Variants in ROS1 observed in about 807,000 individuals in gnomAD.
ROS1 encodes ROS proto-oncogene 1, receptor tyrosine kinase.
Under a neutral mutation model 273.5 loss-of-function variants are expected in ROS1, and 263 were observed. The observed-to-expected ratio is 0.96, with a 90% confidence interval of 0.87 to 1.06. The LOEUF (loss-of-function observed/expected upper bound fraction) is 1.06, where lower values mean the gene tolerates loss of function less well. Ranked by LOEUF, ROS1 falls within the 50% of genes least tolerant of loss-of-function variation. The pLI is 0.00. For synonymous variants in ROS1, 1,008 were observed against 954.1 expected (o/e 1.06, Z -1.04); for missense variants, 2,833 against 2,751.1 (o/e 1.03, Z -0.67).
intron 39 of ROS1, among the ~76,000 whole-genome samples, 157 bp downstream of exon 39, chr6:117,316,985 CT>C (rs1775967080): frequency 6.6e-6 from 1 of 152,032 alleles, no homozygotes; most frequent in Non-Finnish European, 1.5e-5. Flanking sequence ...GCCCAGGGTT[CT>C]GATTGTCAAA....
At chr6:117,409,081 G>A (rs1650250200) in intron 5 of ROS1, among the ~76,000 whole-genome samples, 1 of 146,880 alleles carries the variant, frequency 6.8e-6, no homozygotes, top group Non-Finnish European at 1.5e-5. Flanking sequence ...GGGGGAGGGT[G>A]GAGGGATAGC....
intron 7 of ROS1, among the ~76,000 whole-genome samples, chr6:117,399,224 A>G (rs1041753730): frequency 4.3e-4 from 65 of 152,224 alleles, no homozygotes; most frequent in African/African-American, 1.5e-3. Flanking sequence ...ATTTGTTTTC[A>G]TTATTTTGAT....
chr6:117,317,472 T>G (rs1221715903), intron 38 of ROS1, among the ~76,000 whole-genome samples, 200 bp from the exon 39 acceptor site: 2 of 152,114 alleles, frequency 1.3e-5, no homozygotes, highest in Admixed American at 6.6e-5. Flanking sequence ...TGGCCATGAG[T>G]ATGGATAAAA....
intron 39 of ROS1, among the ~76,000 whole-genome samples, chr6:117,314,851 A>G (rs1775798455): frequency 6.6e-6 from 1 of 152,084 alleles, no homozygotes; most frequent in South Asian, 2.1e-4. Context: ...CCCACCTAAC[A>G]CCAAAAGGAA....
chr6:117,358,894 C>T (rs1779551364), intron 24 of ROS1, among the ~76,000 whole-genome samples: 1 of 152,190 alleles, frequency 6.6e-6, no homozygotes, highest in African/African-American at 2.4e-5. Flanking sequence ...TTAACCCTCT[C>T]TAAGTCACTA....
Position 117,405,112 on chromosome 6 carries a change from T to C in ROS1, c.317-684A>G, listed in dbSNP as rs138968140. ...TATTTTTCCAAAATTGTGATGAATT[T>C]AATGCTTCTGCTTTCTTTTATAGAA... is the stretch of plus-strand genomic sequence containing the variant. On this transcript the variant is annotated intron_variant, in intron 5 of 43. Coordinates refer to ENST00000368507, the MANE Select transcript of ROS1 (RefSeq NM_001378902.1). Among the ~76,000 whole-genome samples the C allele has an allele frequency of 5.0e-3, 762 of 152,348 alleles. 11 individuals carry two copies. The highest frequency in any genetic ancestry group is 0.018 in the African/African-American group (732 of 41,572).
At chr6:117,341,024 A>T (rs930430567) in intron 31 of ROS1, 111 bp downstream of exon 31, 1 of 692,620 alleles carries the variant, frequency 1.4e-6, no homozygotes, top group Non-Finnish European at 2.4e-6. Context: ...TAAATCAATG[A>T]AAGTTGTCAA....
intron 18 of ROS1, among the ~76,000 whole-genome samples, chr6:117,371,879 T>C (rs1389211742): frequency 6.6e-6 from 1 of 152,096 alleles, no homozygotes; most frequent in African/African-American, 2.4e-5. Context: ...GCCTGAGAAC[T>C]ACACCCCCAT....
intron 24 of ROS1, among the ~76,000 whole-genome samples, chr6:117,358,849 T>G (rs192484496): frequency 1.3e-5 from 2 of 152,290 alleles, no homozygotes; most frequent in East Asian, 3.9e-4. Flanking sequence ...ATTTTCTACC[T>G]GGATTTCTGT....
chr6:117,369,664 T>C (rs1356831771), intron 18 of ROS1, among the ~76,000 whole-genome samples: 1 of 152,210 alleles, frequency 6.6e-6, no homozygotes, highest in Admixed American at 6.5e-5. Flanking sequence ...GCTTTGAACA[T>C]TGTCTATGTC....
At chr6:117,337,854 T>A (rs867305674) in intron 31 of ROS1, among the ~76,000 whole-genome samples, 1 of 152,118 alleles carries the variant, frequency 6.6e-6, no homozygotes, top group Admixed American at 6.6e-5. Flanking sequence ...TCTTCAGACA[T>A]GTAAACAGAA....
chr6:117,403,703 T>C (rs2128725037), intron 6 of ROS1, among the ~76,000 whole-genome samples: 1 of 152,278 alleles, frequency 6.6e-6, no homozygotes, highest in South Asian at 2.1e-4. Context: ...GATGGGCAGA[T>C]AATGACTAAT....
chr6:117,414,928 C>A (rs1043307047), intron 3 of ROS1, among the ~76,000 whole-genome samples: 4 of 152,256 alleles, frequency 2.6e-5, no homozygotes, highest in Non-Finnish European at 2.9e-5. Flanking sequence ...GATTCCTCTG[C>A]CCATGCTGGC....
intron 13 of ROS1, among the ~76,000 whole-genome samples, chr6:117,389,065 G>A (rs1772832892): frequency 6.6e-6 from 1 of 152,124 alleles, no homozygotes; most frequent in South Asian, 2.1e-4. Flanking sequence ...TATCTCCCTG[G>A]CTATTTGTTC....
At chr6:117,390,896 TG>T (rs1415602470) in intron 12 of ROS1, among the ~76,000 whole-genome samples, 3 of 152,194 alleles carry the variant, frequency 2.0e-5, no homozygotes, top group Admixed American at 1.3e-4. Flanking sequence ...TCATTGACAA[TG>T]AAATATGTAA....
intron 34 of ROS1, among the ~76,000 whole-genome samples, chr6:117,325,035 G>C (rs1776536033): frequency 6.6e-6 from 1 of 152,122 alleles, no homozygotes; most frequent in Non-Finnish European, 1.5e-5. Context: ...ATGCTACAGA[G>C]ATCACATGTA....
At chr6:117,358,051 A>AT in intron 24 of ROS1, 42 bp from the exon 25 acceptor site, 1 of 1,374,192 alleles carries the variant, frequency 7.3e-7, no homozygotes, top group Non-Finnish European at 1.0e-6. Context: ...GAGAGTGGTT[A>AT]TTTTTTTATT....
At chr6:117,395,207 C>T (rs916781746) in intron 9 of ROS1, among the ~76,000 whole-genome samples, 1 of 152,120 alleles carries the variant, frequency 6.6e-6, no homozygotes, top group Non-Finnish European at 1.5e-5. Flanking sequence ...TGGAAGGCTG[C>T]AGAACTCTGC....
intron 5 of ROS1, 89 bp from the exon 6 acceptor site, chr6:117,404,517 T>C: frequency 8.2e-7 from 1 of 1,212,610 alleles, no homozygotes; most frequent in South Asian, 1.6e-5. Context: ...GCTCTCCGTA[T>C]TCTCTTGCTA....
Sources: allele counts gnomAD v4.1 joint callset (sites outside exome capture counted in the v4.1 genomes callset), GRCh38; gene constraint gnomAD v4.1.1; transcripts MANE v1.5; gene names NCBI Gene and HGNC (gene_info 2026-07-23, HGNC 2026-07-21).